The following PLCB4 variants were observed in gnomAD, a reference collection of about 807,000 sequenced individuals.
The protein encoded by PLCB4 is phospholipase C beta 4, also known as 1-phosphatidylinositol 4,5-bisphosphate phosphodiesterase beta-4.
Under a neutral mutation model 178.8 loss-of-function variants are expected in PLCB4, and 77 were observed. The observed-to-expected ratio is 0.43, with a 90% CI of 0.36 to 0.52. The LOEUF is 0.52. PLCB4 is among the 20% of genes least tolerant of loss of function. The probability of loss-of-function intolerance (pLI) is 0.00; values close to 1 mark genes in which losing one functional copy is unlikely to be tolerated. For synonymous variants in PLCB4, 496 were observed against 490.8 expected, an observed-to-expected ratio of 1.01 and a Z score of -0.14; for missense variants, 1,024 against 1,453.4, an observed-to-expected ratio of 0.70 and a Z score of 4.80.
At chr20:9,175,641 G>A (rs553809534) in intron 2 of PLCB4, among the ~76,000 whole-genome samples, 1 of 152,162 alleles carries the variant, frequency 6.6e-6, no homozygotes, top group Admixed American at 6.5e-5. Flanking sequence ...GTTCCAATAA[G>A]TGATATGATA....
intron 2 of PLCB4, among the ~76,000 whole-genome samples, chr20:9,150,606 C>T (rs778343247): frequency 2.0e-5 from 3 of 152,098 alleles, no homozygotes; most frequent in East Asian, 1.9e-4. Context: ...TGCATCGTCT[C>T]GTCAGTTCTC....
chr20:9,225,777 A>G (rs2147318262), intron 3 of PLCB4, among the ~76,000 whole-genome samples: 1 of 152,354 alleles, frequency 6.6e-6, no homozygotes, highest in Non-Finnish European at 1.5e-5. Flanking sequence ...GAGAGAGGGA[A>G]CAATATAAAT....
intron 32 of PLCB4, among the ~76,000 whole-genome samples, chr20:9,450,073 A>G (rs968646917): frequency 1.3e-5 from 2 of 152,210 alleles, no homozygotes; most frequent in Non-Finnish European, 2.9e-5. Flanking sequence ...TAACTTGGAT[A>G]AGAAACGTAC....
intron 7 of PLCB4, among the ~76,000 whole-genome samples, chr20:9,348,189 A>G (rs900108672): frequency 6.6e-6 from 1 of 152,178 alleles, no homozygotes; most frequent in Non-Finnish European, 1.5e-5. Flanking sequence ...GACAGAAGTC[A>G]TTCTGGGTAC....
At chr20:9,177,701 G>A (rs2093178105) in intron 2 of PLCB4, among the ~76,000 whole-genome samples, 1 of 152,140 alleles carries the variant, frequency 6.6e-6, no homozygotes, top group Non-Finnish European at 1.5e-5. Context: ...GATCCTACTT[G>A]TTTTCAAGAT....
chr20:9,279,184 A>G (rs947616086), intron 3 of PLCB4, among the ~76,000 whole-genome samples: 3 of 152,032 alleles, frequency 2.0e-5, no homozygotes, highest in African/African-American at 7.2e-5. Context: ...CTAAAATTAA[A>G]CAGTTTGCTT....
chr20:9,161,649 C>A (rs2092889696), intron 2 of PLCB4, among the ~76,000 whole-genome samples: 1 of 152,180 alleles, frequency 6.6e-6, no homozygotes, highest in African/African-American at 2.4e-5. Context: ...AAAAGTGAAG[C>A]TATGTCTTCT....
chr20:9,230,808 C>T (rs1380325742), intron 3 of PLCB4, among the ~76,000 whole-genome samples: 1 of 151,934 alleles, frequency 6.6e-6, no homozygotes, highest in East Asian at 1.9e-4. Context: ...AGCAAAGTAC[C>T]CAGAGTACGA....
intron 25 of PLCB4, among the ~76,000 whole-genome samples, chr20:9,419,523 A>G (rs1486721591): frequency 2.0e-5 from 3 of 152,280 alleles, no homozygotes; most frequent in Non-Finnish European, 4.4e-5. Context: ...TATTCTTTGC[A>G]TTTTATTTTA....
chr20:9,310,672 C>T (rs1223373252), intron 4 of PLCB4, among the ~76,000 whole-genome samples: 1 of 151,712 alleles, frequency 6.6e-6, no homozygotes, highest in Non-Finnish European at 1.5e-5. Context: ...AGATCACGCC[C>T]CCACACACCA....
At chr20:9,240,155 T>C (rs2147406195) in intron 3 of PLCB4, among the ~76,000 whole-genome samples, 1 of 152,268 alleles carries the variant, frequency 6.6e-6, no homozygotes, top group South Asian at 2.1e-4. Flanking sequence ...AACCATCACA[T>C]AGTAATAAAC....
At chr20:9,198,425 T>A (rs1211817791) in intron 2 of PLCB4, among the ~76,000 whole-genome samples, 1 of 152,238 alleles carries the variant, frequency 6.6e-6, no homozygotes, top group African/African-American at 2.4e-5. Context: ...CTGGTTCTGT[T>A]TCTTTGTGGA....
At chr20:9,437,305 T>C (rs1307422692) in intron 30 of PLCB4, among the ~76,000 whole-genome samples, 153 bp downstream of exon 30, 3 of 152,216 alleles carry the variant, frequency 2.0e-5, no homozygotes, top group African/African-American at 7.2e-5. Context: ...CCCACTCTCT[T>C]CCAGACCCTC....
At chr20:9,148,290 G>A (rs1056697190) in intron 2 of PLCB4, among the ~76,000 whole-genome samples, 3 of 152,208 alleles carry the variant, frequency 2.0e-5, no homozygotes, top group African/African-American at 7.2e-5. Context: ...TTGTTGTGGG[G>A]TGGAAGGGAC....
chr20:9,473,247 A>G, intron 37 of PLCB4, 32 bp from the exon 38 acceptor site: 1 of 1,324,732 alleles, frequency 7.5e-7, no homozygotes, highest in Non-Finnish European at 1.0e-6. Context: ...CCCAAAGTTC[A>G]ATCAGAATTT....
intron 26 of PLCB4, 57 bp downstream of exon 26, chr20:9,419,966 A>G (rs1263016561): frequency 6.8e-6 from 7 of 1,029,132 alleles, no homozygotes; most frequent in Non-Finnish European, 1.1e-5. Context: ...GGTCCTTGAA[A>G]GAAATTATAA....
intron 3 of PLCB4, among the ~76,000 whole-genome samples, chr20:9,287,116 A>G (rs1477069299): frequency 6.6e-6 from 1 of 152,044 alleles, no homozygotes; most frequent in Non-Finnish European, 1.5e-5. Context: ...AAATCATGAC[A>G]ATAAATTCAT....
chr20:9,361,145 A>G (rs187769326), intron 7 of PLCB4, among the ~76,000 whole-genome samples: 3 of 152,356 alleles, frequency 2.0e-5, no homozygotes, highest in East Asian at 1.9e-4. Flanking sequence ...TAGAATTACT[A>G]TATGATCCAG....
chr20:9,079,503 C>T (rs897776910), intron 1 of PLCB4, among the ~76,000 whole-genome samples: 1 of 152,178 alleles, frequency 6.6e-6, no homozygotes, highest in African/African-American at 2.4e-5. Context: ...TGCCTGTCCC[C>T]TAAACGCTGG....
Sources: allele counts gnomAD v4.1 joint callset (sites outside exome capture counted in the v4.1 genomes callset), GRCh38; gene constraint gnomAD v4.1.1; transcripts MANE v1.5; gene names NCBI Gene and HGNC (gene_info 2026-07-23, HGNC 2026-07-21).